Variants in SETD5 observed in about 807,000 individuals in gnomAD.
SETD5 encodes SET domain containing 5.
SETD5 carries 44 observed loss-of-function variants against 153.3 expected under a neutral mutation model. That is an observed-to-expected ratio of 0.29 (90% CI 0.23 to 0.37). The LOEUF (loss-of-function observed/expected upper bound fraction) is 0.37, where lower values mean the gene tolerates loss of function less well. Ranked by LOEUF, SETD5 falls within the 10% of genes least tolerant of loss-of-function variation. The pLI is 1.00. For missense variants in SETD5, 1,544 were observed against 1,768.0 expected, an observed-to-expected ratio of 0.87 and a Z score of 2.27; for synonymous variants, 716 against 645.2, an observed-to-expected ratio of 1.11 and a Z score of -1.66.
intron 2 of SETD5, chr3:9,425,970 C>G (rs992745867): frequency 6.6e-6 from 1 of 152,082 alleles, no homozygotes; most frequent in Non-Finnish European, 1.5e-5. Context: ...AGCTTTGGGG[C>G]TTTTCTTTTA....
At chr3:9,444,981 T>C in intron 11 of SETD5, 67 bp from the exon 12 acceptor site, 1 of 1,556,824 alleles carries the variant, frequency 6.4e-7, no homozygotes, top group Non-Finnish European at 8.7e-7. Context: ...TTTAAGAGGG[T>C]GAATGGATAA....
intron 1 of SETD5, among the ~76,000 whole-genome samples, chr3:9,422,196 A>G (rs1039826096): frequency 6.6e-6 from 1 of 152,220 alleles, no homozygotes; most frequent in Admixed American, 6.5e-5. Flanking sequence ...GTGGCTAATA[A>G]GATGAAAATA....
At chr3:9,432,775 A>C (rs1439418865) in intron 3 of SETD5, among the ~76,000 whole-genome samples, 1 of 152,186 alleles carries the variant, frequency 6.6e-6, no homozygotes, top group African/African-American at 2.4e-5. Flanking sequence ...TACATGTATA[A>C]TTCTACAATA....
At chr3:9,462,586 C>CA (rs111829236) in intron 17 of SETD5, among the ~76,000 whole-genome samples, 1,811 of 81,574 alleles carry the variant, frequency 0.022, 16 homozygotes, top group South Asian at 0.033. Context: ...GAGTCCGTCT[C>CA]AAAAAAAAAA....
intron 7 of SETD5, 23 bp from the exon 8 acceptor site, chr3:9,440,433 C>G (rs373338607): frequency 7.7e-6 from 10 of 1,297,580 alleles, no homozygotes; most frequent in East Asian, 2.3e-5. Context: ...CTTTACTAAC[C>G]TCCCTGAATT....
intron 7 of SETD5, among the ~76,000 whole-genome samples, chr3:9,437,584 CAA>C (rs2040739154): frequency 6.7e-6 from 1 of 148,164 alleles, no homozygotes; most frequent in Admixed American, 6.6e-5. Flanking sequence ...ACATGCCTCT[CAA>C]ATTATTACTG....
intron 3 of SETD5, chr3:9,430,011 C>G (rs2039777918): frequency 8.5e-7 from 1 of 1,181,280 alleles, no homozygotes; most frequent in Non-Finnish European, 1.1e-6. Flanking sequence ...ATGTTCAGGT[C>G]CAGTTCAGAC....
At chr3:9,401,377 G>A (rs951863350) in intron 1 of SETD5, among the ~76,000 whole-genome samples, 5 of 152,118 alleles carry the variant, frequency 3.3e-5, no homozygotes, top group Non-Finnish European at 5.9e-5. Flanking sequence ...CCTGTTGTTT[G>A]GAACCTTTTG....
At chr3:9,427,172 C>A (rs898454494) in intron 2 of SETD5, among the ~76,000 whole-genome samples, 2 of 152,150 alleles carry the variant, frequency 1.3e-5, no homozygotes, top group African/African-American at 4.8e-5. Flanking sequence ...AGTTGTGAAC[C>A]ACTGCACCCA....
Position 9,474,879 on chromosome 3 carries a change from T to A in SETD5, c.3632-189T>A, listed in dbSNP as rs905456745. ...GAAGAGAAAGAAGACGGGAATCACA[T>A]CAGGCATTTAGAACATAGCCCATAA... On this transcript the variant is annotated intron_variant, in intron 21 of 22. Coordinates refer to ENST00000402198, the MANE Select transcript of SETD5 (RefSeq NM_001080517.3). The A allele has an allele frequency of 1.8e-5, 11 of 627,400 alleles. No individual in the cohort carries two copies. In the South Asian group the frequency reaches 2.3e-4, roughly 13 times the overall value. 38.9% of individuals were successfully genotyped at this position (627,400 alleles called of 1,614,324 possible). A position where few individuals can be genotyped will look rare whatever the true frequency, so the allele number is the denominator to read the frequency against.
At chr3:9,425,473 C>T (rs2039043540) in intron 2 of SETD5, among the ~76,000 whole-genome samples, 1 of 151,634 alleles carries the variant, frequency 6.6e-6, no homozygotes, top group Non-Finnish European at 1.5e-5. Context: ...TCTGAAGTAA[C>T]TTTTCCATCT....
At position 9,430,836 on chromosome 3, in the gene SETD5, G is replaced by A. The variant is rs2125062542; in HGVS notation, c.71+1827G>A. On this transcript the variant is annotated intron_variant, in intron 3 of 22. Coordinates refer to ENST00000402198, the MANE Select transcript of SETD5 (RefSeq NM_001080517.3). Reference sequence around the variant, plus strand: ...ATAAAAATACTTCTGGTCTACAAATGTGACTGCGCTGTCTCTGTTAACACC... The same window carrying A: ...ATAAAAATACTTCTGGTCTACAAATATGACTGCGCTGTCTCTGTTAACACC... 3 of 985,306 alleles carry A rather than the reference G, an allele frequency of 3.0e-6. No homozygotes were observed. In the South Asian group the frequency reaches 1.4e-4, roughly 46 times the overall value. 61.0% of individuals were successfully genotyped at this position (985,306 alleles called of 1,614,324 possible). A position where few individuals can be genotyped will look rare whatever the true frequency, so the allele number is the denominator to read the frequency against.
chr3:9,415,777 G>C (rs149113117), intron 1 of SETD5, among the ~76,000 whole-genome samples: 12 of 151,746 alleles, frequency 7.9e-5, no homozygotes, highest in Admixed American at 4.6e-4. Flanking sequence ...TGCCCAGGGT[G>C]GCCTCAAAAC....
intron 1 of SETD5, among the ~76,000 whole-genome samples, chr3:9,410,084 T>C (rs573436031): frequency 2.5e-4 from 38 of 152,344 alleles, no homozygotes; most frequent in African/African-American, 9.1e-4. Flanking sequence ...GATTTCGTCA[T>C]TGTGTGAACA....
At chr3:9,435,687 G>T in intron 6 of SETD5, 41 bp from the exon 7 acceptor site, 1 of 1,487,518 alleles carries the variant, frequency 6.7e-7, no homozygotes, top group South Asian at 1.4e-5. Flanking sequence ...ATGTACTTTT[G>T]AGGCTATTAG....
At position 9,473,334 on chromosome 3, in the gene SETD5, A is replaced by G; in HGVS notation, c.3294A>G (p.Gly1098=). 6.2e-7 allele frequency: 1 copy of G among 1,613,960 alleles called. No homozygotes were observed. The highest frequency in any genetic ancestry group is 8.5e-7 in the Non-Finnish European group (1 of 1,179,890). ...DSAQSKSKSA[G]AGQGSSNSVS... Reference sequence around the variant, plus strand: ...CACAGAGCAAAAGCAAGTCTGCAGGAGCTGGGCAAGGCAGCAGTAACTCCG... The same window carrying G: ...CACAGAGCAAAAGCAAGTCTGCAGGGGCTGGGCAAGGCAGCAGTAACTCCG... Residue 1098 remains glycine, a synonymous_variant, in exon 20 of 23, where the codon GGA becomes GGG. Transcript: ENST00000402198.
At chr3:9,429,506 T>C (rs961811939) in intron 3 of SETD5, among the ~76,000 whole-genome samples, 1 of 152,176 alleles carries the variant, frequency 6.6e-6, no homozygotes, top group African/African-American at 2.4e-5. Flanking sequence ...ATCTGTTTTT[T>C]TATAATATTC....
Position 9,447,289 on chromosome 3 carries a change from G to C in SETD5, c.1764G>C (p.Arg588=). The change falls in exon 14 of 23, where the codon CGG becomes CGC. Residue 588 remains arginine, a synonymous_variant. Coordinates refer to ENST00000402198, the MANE Select transcript of SETD5 (RefSeq NM_001080517.3). The part of the protein sequence containing the change: ...STPQSVGVNT[R]RSSQAGDIAA... ...CACAGAGTGTTGGTGTGAATACCCG[G>C]AGGTCTTCCCAAGCAGGGGTAAGAG... 6.2e-7 allele frequency: 1 copy of C among 1,613,266 alleles called. No homozygotes were observed. Among genetic ancestry groups the C allele is most frequent in the Non-Finnish European group, 8.5e-7 (1 of 1,179,638 alleles).
intron 16 of SETD5, among the ~76,000 whole-genome samples, chr3:9,452,419 A>G (rs761847659): frequency 2.0e-5 from 3 of 152,212 alleles, no homozygotes; most frequent in South Asian, 2.1e-4. Flanking sequence ...TATGGTTCTG[A>G]CAATTCATCT....
Sources: gnomAD v4.1 joint callset for allele counts (sites outside exome capture counted in the v4.1 genomes callset) on GRCh38, gnomAD v4.1.1 for gene constraint, MANE v1.5 for transcripts, NCBI Gene and HGNC (gene_info 2026-07-23, HGNC 2026-07-21) for gene names.